UBE2K: variants seen among roughly 807,000 people sequenced by gnomAD.
The protein encoded by UBE2K is ubiquitin conjugating enzyme E2 K.
Under a neutral mutation model 30.0 loss-of-function variants are expected in UBE2K, and 6 were observed. The observed-to-expected ratio is 0.20, with a 90% CI of 0.11 to 0.39. The LOEUF (loss-of-function observed/expected upper bound fraction) is 0.39. Ranked by LOEUF, UBE2K falls within the 10% of genes least tolerant of loss-of-function variation. The pLI, the probability that UBE2K is intolerant of heterozygous loss-of-function variation, is 1.00. For missense variants in UBE2K, 61 were observed against 241.6 expected (o/e 0.25, Z 4.96); for synonymous variants, 86 against 83.7 (o/e 1.03, Z -0.15).
chr4:39,739,282 C>T lies in UBE2K; in HGVS notation c.157+1769C>T, dbSNP rs370204614. On this transcript the variant is annotated intron_variant, in intron 2 of 6. Transcript: ENST00000261427. ...TCCTGACCTCGTGATCTGCCAGCCT[C>T]GGCCTCCCAAAGTGCTGGGGTTACA... Among the ~76,000 whole-genome samples the T allele has an allele frequency of 3.8e-3, 571 of 151,454 alleles. 6 individuals are homozygous for T. The highest frequency in any genetic ancestry group is 0.012 in the African/African-American group (500 of 41,266).
intron 4 of UBE2K, among the ~76,000 whole-genome samples, chr4:39,756,796 T>C (rs752595441): frequency 2.0e-5 from 3 of 151,994 alleles, no homozygotes; most frequent in Non-Finnish European, 4.4e-5. Flanking sequence ...CTAGAAAAAA[T>C]CAATTAAGTG....
At chr4:39,762,035 C>A (rs913825393) in intron 4 of UBE2K, among the ~76,000 whole-genome samples, 1 of 151,502 alleles carries the variant, frequency 6.6e-6, no homozygotes, top group African/African-American at 2.4e-5. Flanking sequence ...AAAAATTAGC[C>A]GGGCGTAGTG....
chr4:39,772,250 A>G (rs1712936657), intron 4 of UBE2K, among the ~76,000 whole-genome samples: 1 of 152,144 alleles, frequency 6.6e-6, no homozygotes, highest in Admixed American at 6.5e-5. Context: ...TCAGGAACCC[A>G]GTTGAAAAAG....
chr4:39,768,196 T>C (rs772831340), intron 4 of UBE2K, among the ~76,000 whole-genome samples: 9 of 148,664 alleles, frequency 6.1e-5, no homozygotes, highest in Non-Finnish European at 1.0e-4. Flanking sequence ...CCCAGCACTT[T>C]GGGAGGCAGA....
intron 1 of UBE2K, among the ~76,000 whole-genome samples, chr4:39,699,088 T>C (rs1717865757): frequency 6.6e-6 from 1 of 152,252 alleles, no homozygotes; most frequent in Admixed American, 6.5e-5. Flanking sequence ...GCCTCATCTT[T>C]ATTGACATCT....
intron 4 of UBE2K, among the ~76,000 whole-genome samples, chr4:39,774,482 G>A (rs568416695): frequency 6.6e-6 from 1 of 151,796 alleles, no homozygotes; most frequent in African/African-American, 2.4e-5. Context: ...GCGTTAAGGC[G>A]GGCCCCTGTA....
At chr4:39,774,254 A>C (rs1301311901) in intron 4 of UBE2K, among the ~76,000 whole-genome samples, 1 of 151,894 alleles carries the variant, frequency 6.6e-6, no homozygotes, top group Admixed American at 6.6e-5. Context: ...CAGTGAGACA[A>C]GATAGTGCCA....
In UBE2K at chr4:39,780,909, G is replaced by A. The variant is rs951262225; in HGVS notation, c.*2475G>A. 9 of 151,778 alleles carry A rather than the reference G, an allele frequency of 5.9e-5. No individual in the cohort carries two copies. Among genetic ancestry groups the A allele is most frequent in the Admixed American group, 2.0e-4 (3 of 15,210 alleles). 9.4% of individuals were successfully genotyped at this position (151,778 alleles called of 1,614,324 possible). ...TTCTTAATATTTTTGAGTTGGCTCCGTTTGTCAGTTTTAAAAGCCTCAAAA... is the reference window on the plus strand; with the variant it reads ...TTCTTAATATTTTTGAGTTGGCTCCATTTGTCAGTTTTAAAAGCCTCAAAA... On this transcript the variant is annotated 3_prime_UTR_variant, in exon 7 of 7. Coordinates refer to ENST00000261427, the MANE Select transcript of UBE2K (RefSeq NM_005339.5).
chr4:39,712,753 A>G (rs1264201039), intron 1 of UBE2K, among the ~76,000 whole-genome samples: 1 of 151,076 alleles, frequency 6.6e-6, no homozygotes, highest in Admixed American at 6.6e-5. Flanking sequence ...TGTCACTATG[A>G]TGGATGTGAA....
chr4:39,716,504 C>T (rs191031842), intron 1 of UBE2K, among the ~76,000 whole-genome samples: 2 of 152,312 alleles, frequency 1.3e-5, no homozygotes, highest in East Asian at 1.9e-4. Flanking sequence ...GCGCCTTAGC[C>T]GCCCAGAGTG....
chr4:39,754,014 G>T (rs191088828), intron 3 of UBE2K, among the ~76,000 whole-genome samples: 8 of 152,148 alleles, frequency 5.3e-5, no homozygotes, highest in Non-Finnish European at 8.8e-5. Flanking sequence ...GAGCGACAGC[G>T]CGAGACTCCT....
chr4:39,731,607 A>G (rs1720079950), intron 1 of UBE2K, among the ~76,000 whole-genome samples: 1 of 152,050 alleles, frequency 6.6e-6, no homozygotes, highest in South Asian at 2.1e-4. Flanking sequence ...CCTTGAACCC[A>G]GGAGTCAGAG....
chr4:39,740,840 G>C (rs1720660493), intron 2 of UBE2K, among the ~76,000 whole-genome samples: 2 of 142,698 alleles, frequency 1.4e-5, no homozygotes, highest in African/African-American at 5.3e-5. Flanking sequence ...TCCAGCCTGG[G>C]CAACAGAGCA....
chr4:39,739,114 G>A (rs752996160), intron 2 of UBE2K, among the ~76,000 whole-genome samples: 1 of 151,190 alleles, frequency 6.6e-6, no homozygotes, highest in Non-Finnish European at 1.5e-5. Flanking sequence ...TGCAAGCTTC[G>A]CCTCCTGGAT....
intron 5 of UBE2K, among the ~76,000 whole-genome samples, chr4:39,776,665 A>G (rs1713301124): frequency 6.6e-6 from 1 of 152,074 alleles, no homozygotes; most frequent in Non-Finnish European, 1.5e-5. Flanking sequence ...ATTTTAATTT[A>G]TATATTATCT....
intron 2 of UBE2K, among the ~76,000 whole-genome samples, chr4:39,739,358 A>T (rs1475985398): frequency 6.7e-6 from 1 of 149,264 alleles, no homozygotes; most frequent in Non-Finnish European, 1.5e-5. Flanking sequence ...AAAATCTAAT[A>T]TTCTTGAATA....
intron 4 of UBE2K, among the ~76,000 whole-genome samples, chr4:39,760,196 A>C (rs1560372495): frequency 5.0e-4 from 4 of 7,922 alleles, no homozygotes; most frequent in East Asian, 0.014. Context: ...AAAAAAACAG[A>C]AAAAAAAAAA....
At chr4:39,774,307 A>T (rs970905958) in intron 4 of UBE2K, among the ~76,000 whole-genome samples, 2 of 150,102 alleles carry the variant, frequency 1.3e-5, no homozygotes, top group African/African-American at 4.9e-5. Flanking sequence ...CACTGTCATT[A>T]AAAAAAAGAA....
intron 3 of UBE2K, among the ~76,000 whole-genome samples, chr4:39,751,863 AG>A (rs1721274461): frequency 6.6e-6 from 1 of 152,060 alleles, no homozygotes; most frequent in African/African-American, 2.4e-5. Context: ...GCTACTGGGG[AG>A]ACTGAGGCGG....
Sources: allele counts gnomAD v4.1 joint callset (sites outside exome capture counted in the v4.1 genomes callset), GRCh38; gene constraint gnomAD v4.1.1; transcripts MANE v1.5; gene names NCBI Gene and HGNC (gene_info 2026-07-23, HGNC 2026-07-21).